Variants in ZNF569 observed in about 807,000 individuals in gnomAD.
The protein encoded by ZNF569 is zinc finger protein 569.
A neutral mutation model predicts 56.3 loss-of-function variants in ZNF569; 38 were observed. The ratio of observed to expected loss-of-function variants is 0.68; its 90% CI spans 0.52 to 0.88. ZNF569 has a LOEUF of 0.88. Ranked by LOEUF, ZNF569 falls within the 40% of genes least tolerant of loss-of-function variation. ZNF569 has a pLI of 0.00. For synonymous variants in ZNF569, 241 were observed against 262.9 expected (o/e 0.92, Z 0.81); for missense variants, 666 against 809.2 (o/e 0.82, Z 2.15).
chr19:37,467,591 T>C (rs2041869692), upstream of ZNF569: 4 of 477,346 alleles, frequency 8.4e-6, no homozygotes, highest in African/African-American at 2.0e-5. Context: ...TTCCGTCTTT[T>C]TGGGTCTCTA....
chr19:37,432,442 C>T (rs1300926623), intron 3 of ZNF569, among the ~76,000 whole-genome samples: 1 of 152,218 alleles, frequency 6.6e-6, no homozygotes, highest in African/African-American at 2.4e-5. Flanking sequence ...GTAAGAGCCA[C>T]AGTGTTAACT....
intron 5 of ZNF569, among the ~76,000 whole-genome samples, chr19:37,417,936 A>G (rs1054773350): frequency 3.9e-5 from 6 of 151,942 alleles, no homozygotes; most frequent in African/African-American, 1.2e-4. Context: ...CCCGGTCTCT[A>G]CTAAAAATAC....
intron 3 of ZNF569, among the ~76,000 whole-genome samples, chr19:37,436,536 TA>T (rs1344775234): frequency 6.6e-6 from 1 of 150,994 alleles, no homozygotes; most frequent in African/African-American, 2.4e-5. Flanking sequence ...ATTAACAAAA[TA>T]AAAAAATCAG....
chr19:37,413,964 G>T lies in ZNF569; in HGVS notation c.694C>A (p.His232Asn). The T allele has an allele frequency of 6.2e-7, 1 of 1,613,380 alleles. No homozygotes were observed. The stretch of plus-strand genomic sequence containing the variant: ...TGCTCCCTACTGTGAATTTTATAAT[G>T]TTTAATAAGTTTTTCCTTGTGACTG... ...AFSHKEKLIK[H>N]YKIHSREQSY... The change falls in exon 6 of 6, where the codon CAT (histidine) becomes AAT (asparagine). Residue 232 changes from histidine to asparagine, a missense_variant. Coordinates refer to ENST00000316950, the MANE Select transcript of ZNF569 (RefSeq NM_152484.3).
At chr19:37,441,059 C>T (rs1291381522) in intron 3 of ZNF569, among the ~76,000 whole-genome samples, 1 of 152,112 alleles carries the variant, frequency 6.6e-6, no homozygotes, top group Non-Finnish European at 1.5e-5. Context: ...ATCTATGTTT[C>T]CTTATGCCTC....
At chr19:37,417,619 G>C (rs1200733461) in intron 5 of ZNF569, among the ~76,000 whole-genome samples, 3 of 152,086 alleles carry the variant, frequency 2.0e-5, no homozygotes, top group African/African-American at 7.2e-5. Flanking sequence ...CTAAGAAAAA[G>C]GCATTAAAGC....
intron 2 of ZNF569, chr19:37,455,051 G>A (rs1280170285): frequency 3.7e-6 from 2 of 534,754 alleles, no homozygotes; most frequent in Non-Finnish European, 6.6e-6. Context: ...TTGAAGCAAA[G>A]TTCTTTCCAG....
At chr19:37,439,173 C>T (rs570845021) in intron 3 of ZNF569, among the ~76,000 whole-genome samples, 2 of 152,134 alleles carry the variant, frequency 1.3e-5, no homozygotes, top group Non-Finnish European at 2.9e-5. Flanking sequence ...CGGGTTCAAG[C>T]GATTCTCCTG....
At chr19:37,468,604 C>T (rs904694517), upstream of ZNF569, among the ~76,000 whole-genome samples, 4 of 152,190 alleles carry the variant, frequency 2.6e-5, no homozygotes, top group Non-Finnish European at 5.9e-5. Flanking sequence ...CTCCCAGGTT[C>T]AGGCAATTTT....
intron 3 of ZNF569, among the ~76,000 whole-genome samples, chr19:37,443,153 C>T (rs773194824): frequency 6.6e-6 from 1 of 152,126 alleles, no homozygotes; most frequent in Non-Finnish European, 1.5e-5. Context: ...TGGAGACCAG[C>T]CTGGCCAACA....
chr19:37,425,687 A>T, intron 5 of ZNF569, 181 bp downstream of exon 5: 1 of 495,690 alleles, frequency 2.0e-6, no homozygotes, highest in Admixed American at 2.8e-5. Flanking sequence ...CTGGTCCCAA[A>T]CTCCTGGACT....
At chr19:37,463,458 T>C (rs1568753606) in intron 2 of ZNF569, among the ~76,000 whole-genome samples, 1 of 152,232 alleles carries the variant, frequency 6.6e-6, no homozygotes, top group Non-Finnish European at 1.5e-5. Context: ...GATAGTGGTA[T>C]AAAAGTATAG....
intron 3 of ZNF569, among the ~76,000 whole-genome samples, chr19:37,443,566 T>G (rs886718432): frequency 2.6e-5 from 4 of 152,108 alleles, no homozygotes; most frequent in Non-Finnish European, 5.9e-5. Context: ...CTGCTTACAT[T>G]CTAGTGGTTA....
rs1002462550 is a variant in ZNF569, at chr19:37,426,361, T to C, written c.33A>G (p.Lys11=). 24 of 1,610,810 alleles carry C rather than the reference T, an allele frequency of 1.5e-5. No homozygotes were observed. The highest frequency in any genetic ancestry group is 2.0e-5 in the Non-Finnish European group (23 of 1,178,870). The stretch of plus-strand genomic sequence containing the variant: ...CCTGAGTGAAGTCGATAGCCACATC[T>C]TTGAATGTTACTGTTCCCTGTAACA... MTESQGTVTF[K]DVAIDFTQEE... is the part of the protein sequence containing the mutation. The change falls in exon 4 of 6, where the codon AAA becomes AAG. Residue 11 remains lysine (K), a synonymous_variant. Coordinates refer to ENST00000316950, the MANE Select transcript of ZNF569 (RefSeq NM_152484.3).
intron 2 of ZNF569, among the ~76,000 whole-genome samples, chr19:37,449,150 T>G (rs554485178): frequency 5.3e-5 from 8 of 152,204 alleles, no homozygotes; most frequent in Non-Finnish European, 1.2e-4. Flanking sequence ...GTTCTTTACT[T>G]CTAGTTTTAT....
chr19:37,413,744 T>C lies in ZNF569; in HGVS notation c.914A>G (p.Lys305Arg). The C allele has an allele frequency of 6.2e-7, 1 of 1,613,640 alleles. No homozygotes were observed. The highest frequency in any genetic ancestry group is 8.5e-7 in the Non-Finnish European group (1 of 1,179,892). The change falls in exon 6 of 6, where the codon AAA becomes AGA. Residue 305 changes from lysine to arginine, a missense_variant. Physicochemically the swap from Lys to Arg is conservative, Grantham distance 26 (BLOSUM62 2). Transcript: ENST00000316950. ...GAGGCTTTGCTTCTGGCTGAATGCT[T>C]TTCCACACTCATTACATTCATAAGG... ...EKPYECNECG[K>R]AFSQKQSLIA...
intron 3 of ZNF569, among the ~76,000 whole-genome samples, chr19:37,441,393 T>G (rs1465438016): frequency 6.6e-6 from 1 of 152,174 alleles, no homozygotes; most frequent in East Asian, 1.9e-4. Flanking sequence ...TAGTGGCTCA[T>G]GCCTGTAATC....
intron 2 of ZNF569, among the ~76,000 whole-genome samples, chr19:37,460,386 G>A (rs564586009): frequency 1.3e-5 from 2 of 152,006 alleles, no homozygotes; most frequent in Non-Finnish European, 2.9e-5. Flanking sequence ...CAGGTGATTC[G>A]CCTGCCTTGG....
chr19:37,461,214 C>G (rs1485728037), intron 2 of ZNF569, among the ~76,000 whole-genome samples: 1 of 151,764 alleles, frequency 6.6e-6, no homozygotes, highest in Admixed American at 6.6e-5. Context: ...GTAGCCCTTA[C>G]TGAAATAATG....
Sources: allele counts gnomAD v4.1 joint callset (sites outside exome capture counted in the v4.1 genomes callset), GRCh38; gene constraint gnomAD v4.1.1; transcripts MANE v1.5; gene names NCBI Gene and HGNC (gene_info 2026-07-23, HGNC 2026-07-21).